Variants in ARID5B observed in about 807,000 individuals in gnomAD.
ARID5B encodes the protein AT-rich interactive domain-containing protein 5B.
In ARID5B, 13 loss-of-function variants were observed where a neutral mutation model predicts 97.2. The ratio of observed to expected loss-of-function variants is 0.13; its 90% CI spans 0.09 to 0.21. The LOEUF is 0.21. Ranked by LOEUF, ARID5B falls within the 10% of genes least tolerant of loss-of-function variation. The probability of loss-of-function intolerance (pLI) is 1.00; values close to 1 mark genes in which losing one functional copy is unlikely to be tolerated. For synonymous variants in ARID5B, 556 were observed against 570.3 expected, an observed-to-expected ratio of 0.97 and a Z score of 0.36; for missense variants, 1,210 against 1,465.3, an observed-to-expected ratio of 0.83 and a Z score of 2.84.
At chr10:62,020,386 G>A (rs1839340502) in intron 4 of ARID5B, among the ~76,000 whole-genome samples, 1 of 152,058 alleles carries the variant, frequency 6.6e-6, no homozygotes, top group Non-Finnish European at 1.5e-5. Flanking sequence ...TGTTTAAAAG[G>A]CATAAAATAA....
At chr10:61,934,214 G>C (rs1844259913) in intron 2 of ARID5B, among the ~76,000 whole-genome samples, 1 of 152,186 alleles carries the variant, frequency 6.6e-6, no homozygotes, top group East Asian at 1.9e-4. Flanking sequence ...TTAGGGCCCT[G>C]CTCTGGATTA....
At position 61,908,820 on chromosome 10, in the gene ARID5B, A is replaced by AAAAAAAGAAG. The variant is rs1251041161; in HGVS notation, c.276+6409_276+6410insAAAAGAAGAA. On this transcript the variant is annotated intron_variant, in intron 2 of 9. Coordinates refer to ENST00000279873, the MANE Select transcript of ARID5B (RefSeq NM_032199.3). ...ATCTCAAAAAAAAAAAAAAAAAAAA[A>AAAAAAAGAAG]AAGAAGAAGAAGAATGGCCTCTGCC... Among the ~76,000 whole-genome samples, 1,315 of 145,898 alleles carry AAAAAAAGAAG rather than the reference A, an allele frequency of 9.0e-3. 27 individuals are homozygous for AAAAAAAGAAG. Among genetic ancestry groups the AAAAAAAGAAG allele is most frequent in the African/African-American group, 0.033 (1,238 of 37,306 alleles).
rs766929055 is a variant in ARID5B, at chr10:61,940,370, T to C, written c.464T>C (p.Leu155Pro). ...AGGCAGTCAACCCTAAACAGTGGAC[T>C]CAACTTCAAAGACGTTCTCAAGGAG... ...KYRQSTLNSG[L>P]NFKDVLKEKA... is the part of the protein sequence containing the mutation. Residue 155 changes from leucine (L) to proline (P), a missense_variant, in exon 3 of 10, where the codon CTC becomes CCC. By Grantham distance (98) the Leu-to-Pro change is moderately conservative. Coordinates refer to ENST00000279873, the MANE Select transcript of ARID5B (RefSeq NM_032199.3). The C allele has an allele frequency of 4.0e-5, 64 of 1,613,934 alleles. No homozygotes were observed. Among genetic ancestry groups the C allele is most frequent in the Non-Finnish European group, 5.0e-5 (59 of 1,179,976 alleles).
At chr10:61,954,668 T>C (rs1463874875) in intron 3 of ARID5B, among the ~76,000 whole-genome samples, 2 of 152,194 alleles carry the variant, frequency 1.3e-5, no homozygotes, top group Non-Finnish European at 2.9e-5. Flanking sequence ...TGTGTGTTTG[T>C]GAAATCATCC....
At chr10:62,073,881 G>A (rs1840095818) in intron 8 of ARID5B, among the ~76,000 whole-genome samples, 1 of 152,102 alleles carries the variant, frequency 6.6e-6, no homozygotes, top group African/African-American at 2.4e-5. Context: ...TTTCTAAGTG[G>A]AACATTTTCT....
chr10:62,010,973 A>T (rs1397255364), intron 4 of ARID5B, among the ~76,000 whole-genome samples: 1 of 152,218 alleles, frequency 6.6e-6, no homozygotes, highest in Non-Finnish European at 1.5e-5. Flanking sequence ...GGCTGGAATC[A>T]TATCGGAAAG....
intron 4 of ARID5B, chr10:62,046,753 A>C (rs556343004): frequency 6.6e-6 from 1 of 151,806 alleles, no homozygotes; most frequent in African/African-American, 2.4e-5. Context: ...CTGGTTAAGG[A>C]GGGTAATATG....
At chr10:62,059,521 C>T (rs1442598122) in intron 7 of ARID5B, among the ~76,000 whole-genome samples, 2 of 152,136 alleles carry the variant, frequency 1.3e-5, no homozygotes, top group Admixed American at 6.5e-5. Context: ...ACATATGTAA[C>T]TCTCCCCTGT....
intron 2 of ARID5B, among the ~76,000 whole-genome samples, chr10:61,914,944 G>C (rs1339387705): frequency 6.6e-6 from 1 of 152,148 alleles, no homozygotes; most frequent in Non-Finnish European, 1.5e-5. Flanking sequence ...GGCGAGCTTA[G>C]TTTCTCATTA....
intron 4 of ARID5B, among the ~76,000 whole-genome samples, chr10:62,015,525 T>C (rs1346523177): frequency 6.6e-6 from 1 of 152,218 alleles, no homozygotes; most frequent in Non-Finnish European, 1.5e-5. Flanking sequence ...TTGTCAAATA[T>C]ATACAGCAGT....
intron 3 of ARID5B, among the ~76,000 whole-genome samples, chr10:61,963,755 T>A (rs1344213674): frequency 6.6e-6 from 1 of 151,992 alleles, no homozygotes; most frequent in Admixed American, 6.6e-5. Flanking sequence ...TTCAGGAGAC[T>A]TCGGTCATCT....
chr10:62,081,371 G>A (rs4948296), intron 8 of ARID5B, among the ~76,000 whole-genome samples: 49,329 of 152,066 alleles, frequency 0.32, 8,819 homozygotes, highest in Non-Finnish European at 0.41. Flanking sequence ...ATGGATTCTC[G>A]TTTTTCCTAT....
At chr10:62,026,914 A>G (rs934324928) in intron 4 of ARID5B, among the ~76,000 whole-genome samples, 1 of 152,224 alleles carries the variant, frequency 6.6e-6, no homozygotes, top group African/African-American at 2.4e-5. Context: ...GAAGAGTCAT[A>G]TATTAAAATA....
chr10:62,024,452 G>A (rs1839394793), intron 4 of ARID5B, among the ~76,000 whole-genome samples: 1 of 152,124 alleles, frequency 6.6e-6, no homozygotes. Context: ...AGAGTGGAAG[G>A]GAACCTTTCT....
chr10:61,996,503 G>A (rs1838998780), intron 3 of ARID5B, among the ~76,000 whole-genome samples: 1 of 152,062 alleles, frequency 6.6e-6, no homozygotes, highest in Admixed American at 6.6e-5. Context: ...CCAGCCTGAA[G>A]AACAGAGAGA....
At chr10:62,045,468 A>G (rs773608168) in intron 4 of ARID5B, among the ~76,000 whole-genome samples, 4 of 143,214 alleles carry the variant, frequency 2.8e-5, no homozygotes, top group Admixed American at 7.0e-5. Flanking sequence ...TTTTTTTTAG[A>G]CGAAGTCTTG....
chr10:61,972,601 T>C (rs1300999991), intron 3 of ARID5B, among the ~76,000 whole-genome samples: 1 of 152,212 alleles, frequency 6.6e-6, no homozygotes, highest in African/African-American at 2.4e-5. Context: ...TCATTTTTAG[T>C]GATGAACTCC....
At chr10:61,945,549 C>T (rs1395754149) in intron 3 of ARID5B, among the ~76,000 whole-genome samples, 1 of 152,048 alleles carries the variant, frequency 6.6e-6, no homozygotes, top group South Asian at 2.1e-4. Flanking sequence ...TTATATTTTA[C>T]TTTGGATTGC....
At chr10:62,011,962 C>T (rs1054242531) in intron 4 of ARID5B, among the ~76,000 whole-genome samples, 1 of 152,010 alleles carries the variant, frequency 6.6e-6, no homozygotes, top group Non-Finnish European at 1.5e-5. Flanking sequence ...AAACCAGATG[C>T]TCCCCCTCCT....
Sources: gnomAD v4.1 joint callset for allele counts (sites outside exome capture counted in the v4.1 genomes callset) on GRCh38, gnomAD v4.1.1 for gene constraint, MANE v1.5 for transcripts, NCBI Gene and HGNC (gene_info 2026-07-23, HGNC 2026-07-21) for gene names.